The following PDZRN3 variants were observed in gnomAD, a reference collection of about 807,000 sequenced individuals.
PDZRN3 encodes E3 ubiquitin-protein ligase PDZRN3.
In PDZRN3, 38 loss-of-function variants were observed where a neutral mutation model predicts 85.7. The ratio of observed to expected loss-of-function variants is 0.44; its 90% CI spans 0.34 to 0.58. The LOEUF (loss-of-function observed/expected upper bound fraction) is 0.58. Among genes scored for constraint, PDZRN3 ranks in the 20% least tolerant of loss-of-function variants. PDZRN3 has a pLI of 0.01. For missense variants in PDZRN3, 1,629 were observed against 1,506.4 expected, an observed-to-expected ratio of 1.08 and a Z score of -1.35; for synonymous variants, 759 against 638.0, an observed-to-expected ratio of 1.19 and a Z score of -2.86.
intron 3 of PDZRN3, among the ~76,000 whole-genome samples, chr3:73,459,053 G>A (rs553934887): frequency 9.2e-5 from 14 of 151,856 alleles, no homozygotes; most frequent in Middle Eastern, 3.4e-3. Flanking sequence ...CTCACAGTTC[G>A]GCATTGCTGG....
At chr3:73,501,716 AAAAC>A (rs1443012622) in intron 3 of PDZRN3, among the ~76,000 whole-genome samples, 3 of 152,200 alleles carry the variant, frequency 2.0e-5, no homozygotes, top group African/African-American at 7.2e-5. Flanking sequence ...TCCACATTCT[AAAAC>A]AAGTCATTAG....
At chr3:73,424,924 A>G (rs1271459059) in intron 3 of PDZRN3, among the ~76,000 whole-genome samples, 1 of 152,216 alleles carries the variant, frequency 6.6e-6, no homozygotes, top group African/African-American at 2.4e-5. Context: ...CTCTACCATA[A>G]TGATGGAAAG....
At chr3:73,498,276 C>T (rs763436536) in intron 3 of PDZRN3, among the ~76,000 whole-genome samples, 14 of 152,236 alleles carry the variant, frequency 9.2e-5, no homozygotes, top group Non-Finnish European at 1.3e-4. Context: ...ATGTGTATCC[C>T]GACTAACCTG....
intron 3 of PDZRN3, among the ~76,000 whole-genome samples, chr3:73,523,581 T>C (rs1427821845): frequency 1.3e-5 from 2 of 152,176 alleles, no homozygotes; most frequent in Admixed American, 6.5e-5. Context: ...CCCAAAGTTT[T>C]ACTGAGGGTC....
chr3:73,396,392 T>C (rs1158472563), intron 5 of PDZRN3, among the ~76,000 whole-genome samples: 1 of 152,010 alleles, frequency 6.6e-6, no homozygotes, highest in Non-Finnish European at 1.5e-5. Flanking sequence ...GTACAAAAAA[T>C]GGCAAAGACC....
chr3:73,455,860 G>C (rs567947154), intron 3 of PDZRN3, among the ~76,000 whole-genome samples: 2 of 152,290 alleles, frequency 1.3e-5, no homozygotes, highest in South Asian at 4.1e-4. Flanking sequence ...GATGATGTTT[G>C]AGCAGAACAT....
At chr3:73,558,247 A>C (rs1327318744) in intron 3 of PDZRN3, among the ~76,000 whole-genome samples, 2 of 151,460 alleles carry the variant, frequency 1.3e-5, no homozygotes, top group Non-Finnish European at 2.9e-5. Flanking sequence ...CCAGGAGCAT[A>C]TCTGGAAAGT....
intron 3 of PDZRN3, among the ~76,000 whole-genome samples, chr3:73,464,151 A>AT (rs1258177620): frequency 6.6e-6 from 1 of 151,736 alleles, no homozygotes; most frequent in African/African-American, 2.4e-5. Flanking sequence ...ACACCCAGCT[A>AT]TTTTTTTGTA....
At chr3:73,543,258 G>A (rs1701328721) in intron 3 of PDZRN3, among the ~76,000 whole-genome samples, 1 of 152,246 alleles carries the variant, frequency 6.6e-6, no homozygotes, top group Non-Finnish European at 1.5e-5. Flanking sequence ...GCACTGGGGT[G>A]TGAGCACCCA....
intron 1 of PDZRN3, among the ~76,000 whole-genome samples, chr3:73,611,966 A>T (rs769147071): frequency 6.6e-6 from 1 of 152,248 alleles, no homozygotes; most frequent in Non-Finnish European, 1.5e-5. Flanking sequence ...GGATAAGGGC[A>T]AAGGCTCTTA....
At chr3:73,459,617 G>A (rs1703061888) in intron 3 of PDZRN3, among the ~76,000 whole-genome samples, 1 of 151,992 alleles carries the variant, frequency 6.6e-6, no homozygotes, top group Non-Finnish European at 1.5e-5. Context: ...TGGTTTTTTT[G>A]TTCCTGCATT....
At position 73,600,331 on chromosome 3, in the gene PDZRN3, A is replaced by T. The variant is rs1030862219; in HGVS notation, c.918+2023T>A. Reference sequence around the variant, plus strand: ...CACACACACACACACACACACACACACACACACTCTCTCTCTCTCTCTCTC... The same window carrying T: ...CACACACACACACACACACACACACTCACACACTCTCTCTCTCTCTCTCTC... On this transcript the variant is annotated intron_variant, in intron 3 of 9. Transcript: ENST00000263666. Among the ~76,000 whole-genome samples the T allele has an allele frequency of 1.4e-4, 12 of 86,014 alleles. No individual in the cohort carries two copies. In the East Asian group the frequency reaches 2.6e-3, roughly 18 times the overall value. The allele number at this position is 86,014 out of a possible 152,430, so 56.4% of individuals were successfully genotyped here.
At chr3:73,623,312 G>A (rs1201187272) in intron 1 of PDZRN3, among the ~76,000 whole-genome samples, 1 of 152,144 alleles carries the variant, frequency 6.6e-6, no homozygotes, top group Non-Finnish European at 1.5e-5. Context: ...TCAGCAAAAA[G>A]CCCAGATTTG....
In PDZRN3 at chr3:73,424,560, A is replaced by T. The variant is rs935423929; in HGVS notation, c.919-20165T>A. Among the ~76,000 whole-genome samples, 3 of 150,616 alleles carry T rather than the reference A, an allele frequency of 2.0e-5. No homozygotes were observed. In the East Asian group the frequency reaches 5.8e-4, roughly 29 times the overall value. ...CCATCTCAAAAAAAAAAAAAAAAAA[A>T]AAAAGAATATGCAAAGACAGGATAC... On this transcript the variant is annotated intron_variant, in intron 3 of 9. Transcript: ENST00000263666.
At chr3:73,555,262 T>C (rs1035492486) in intron 3 of PDZRN3, among the ~76,000 whole-genome samples, 14 of 152,186 alleles carry the variant, frequency 9.2e-5, no homozygotes, top group African/African-American at 3.4e-4. Context: ...AAACTTGCCA[T>C]GTCACTTGGG....
At chr3:73,507,111 A>G (rs1296876265) in intron 3 of PDZRN3, among the ~76,000 whole-genome samples, 1 of 152,214 alleles carries the variant, frequency 6.6e-6, no homozygotes, top group Non-Finnish European at 1.5e-5. Context: ...GCAACAATAC[A>G]CTCAGAAAAT....
intron 3 of PDZRN3, among the ~76,000 whole-genome samples, chr3:73,534,737 T>C (rs1704736501): frequency 6.6e-6 from 1 of 152,248 alleles, no homozygotes; most frequent in Admixed American, 6.5e-5. Flanking sequence ...TCATATCTTG[T>C]AGATAATATC....
chr3:73,584,644 T>C (rs1271148632), intron 3 of PDZRN3, among the ~76,000 whole-genome samples: 3 of 152,196 alleles, frequency 2.0e-5, no homozygotes, highest in Non-Finnish European at 4.4e-5. Context: ...TGTTCTGATT[T>C]AGATTCTAGT....
At chr3:73,521,721 C>T (rs1284446621) in intron 3 of PDZRN3, among the ~76,000 whole-genome samples, 3 of 152,170 alleles carry the variant, frequency 2.0e-5, no homozygotes, top group African/African-American at 7.2e-5. Flanking sequence ...CACCCTGCAA[C>T]GCCTCTCCAA....
Sources: gnomAD v4.1 joint callset for allele counts (sites outside exome capture counted in the v4.1 genomes callset) on GRCh38, gnomAD v4.1.1 for gene constraint, MANE v1.5 for transcripts, NCBI Gene and HGNC (gene_info 2026-07-23, HGNC 2026-07-21) for gene names.